PCDH15: variants seen among roughly 807,000 people sequenced by gnomAD.
The protein encoded by PCDH15 is protocadherin-15.
PCDH15 carries 129 observed loss-of-function variants against 178.5 expected under a neutral mutation model. That is an observed-to-expected ratio of 0.72 (90% CI 0.63 to 0.84). The LOEUF is 0.84. Ranked by LOEUF, PCDH15 falls within the 40% of genes least tolerant of loss-of-function variation. PCDH15 has a pLI of 0.00. For synonymous variants in PCDH15, 800 were observed against 732.0 expected, an observed-to-expected ratio of 1.09 and a Z score of -1.50; for missense variants, 2,230 against 2,099.9, an observed-to-expected ratio of 1.06 and a Z score of -1.21.
intron 10 of PCDH15, among the ~76,000 whole-genome samples, chr10:54,203,249 C>T (rs1330688890): frequency 1.3e-5 from 2 of 152,138 alleles, no homozygotes; most frequent in South Asian, 4.2e-4. Context: ...CCAAAGATTG[C>T]TCGTGTGTCA....
At chr10:54,486,089 T>G (rs2079076393) in intron 3 of PCDH15, 1 of 151,998 alleles carries the variant, frequency 6.6e-6, no homozygotes, top group African/African-American at 2.4e-5. Context: ...GTAATTTGAA[T>G]CTAAGCAATA....
chr10:54,389,041 G>A (rs1162724459), intron 3 of PCDH15, among the ~76,000 whole-genome samples: 1 of 151,986 alleles, frequency 6.6e-6, no homozygotes, highest in African/African-American at 2.4e-5. Context: ...TCCCATTTAG[G>A]TCACTATGAG....
chr10:53,864,416 T>C (rs578158359), intron 27 of PCDH15, among the ~76,000 whole-genome samples: 3 of 152,018 alleles, frequency 2.0e-5, no homozygotes, highest in African/African-American at 7.2e-5. Context: ...CCTAAAACCT[T>C]CCCCCTTCCC....
intron 2 of PCDH15, among the ~76,000 whole-genome samples, chr10:55,003,364 C>T (rs769168143): frequency 4.6e-5 from 7 of 151,432 alleles, no homozygotes; most frequent in Non-Finnish European, 7.4e-5. Context: ...AAAAAGATTG[C>T]TAACCCAACA....
At chr10:53,820,102 C>A (rs1422215468) in intron 33 of PCDH15, 63 bp downstream of exon 33, 1 of 396,676 alleles carries the variant, frequency 2.5e-6, no homozygotes, top group African/African-American at 2.1e-5. Context: ...TTGCAAAAAG[C>A]TGGTGTAGAT....
In PCDH15 at chr10:54,745,611, T is replaced by G. The variant is rs560353809; in HGVS notation, c.-29+55314A>C. Among the ~76,000 whole-genome samples, 5 of 152,306 alleles carry G rather than the reference T, an allele frequency of 3.3e-5. No individual in the cohort carries two copies. The South Asian group carries it at 8.3e-4, about 25-fold the overall frequency. Reference sequence around the variant, plus strand: ...CTGGCTGGATTCCACATAATGCTGTTGGCTCATGGGATTTCCTTGGTCTAG... The same window carrying G: ...CTGGCTGGATTCCACATAATGCTGTGGGCTCATGGGATTTCCTTGGTCTAG... On this transcript the variant is annotated intron_variant, in intron 1 of 37. Coordinates refer to ENST00000644397, the MANE Select transcript of PCDH15 (RefSeq NM_001384140.1).
At chr10:55,460,757 T>C (rs1572233) in intron 2 of PCDH15, among the ~76,000 whole-genome samples, 116,372 of 152,028 alleles carry the variant, frequency 0.77, 45,905 homozygotes, top group East Asian at 0.99. Flanking sequence ...CCTCTTTGCA[T>C]GCCTATCTTG....
intron 2 of PCDH15, among the ~76,000 whole-genome samples, chr10:55,044,391 G>A (rs1922160): frequency 0.77 from 117,696 of 152,058 alleles, 45,743 homozygotes; most frequent in East Asian, 0.84. Flanking sequence ...AAAACCTAAC[G>A]CATATGATAA....
At chr10:55,231,121 C>T (rs1262340651) in intron 1 of PCDH15, among the ~76,000 whole-genome samples, 3 of 151,958 alleles carry the variant, frequency 2.0e-5, no homozygotes, top group African/African-American at 7.3e-5. Context: ...TATAGCTTTG[C>T]ATCTCTGAGA....
chr10:54,970,217 T>C (rs1222918794), intron 2 of PCDH15, among the ~76,000 whole-genome samples: 3 of 152,202 alleles, frequency 2.0e-5, no homozygotes, highest in Non-Finnish European at 2.9e-5. Context: ...GCCTCCAGAA[T>C]TGTGAAAAAT....
chr10:53,958,396 C>A (rs1319109860), intron 23 of PCDH15, among the ~76,000 whole-genome samples: 2 of 152,180 alleles, frequency 1.3e-5, no homozygotes, highest in African/African-American at 4.8e-5. Flanking sequence ...TTCCTTCAAT[C>A]TACAACTTAA....
intron 2 of PCDH15, among the ~76,000 whole-genome samples, chr10:55,333,634 G>T (rs1295845580): frequency 6.6e-6 from 1 of 151,944 alleles, no homozygotes; most frequent in East Asian, 1.9e-4. Flanking sequence ...TACAGAGGAT[G>T]TTATTTGATG....
rs2081976677 is a variant in PCDH15 at position 54,514,137 on chromosome 10, C to T, written c.157+13675G>A. Among the ~76,000 whole-genome samples the T allele has an allele frequency of 2.6e-5, 4 of 152,166 alleles. No individual in the cohort carries two copies. In the South Asian group the frequency reaches 8.3e-4, roughly 32 times the overall value. On this transcript the variant is annotated intron_variant, in intron 3 of 37. Transcript: ENST00000644397. ...AGATTTACAGAGGATATTTCTTTTA[C>T]ATATTGTTAAAATGTTAGTGCTATC...
In PCDH15 at chr10:54,518,653, T is replaced by A. The variant is rs183889846; in HGVS notation, c.157+9159A>T. On this transcript the variant is annotated intron_variant, in intron 3 of 37. Transcript: ENST00000644397. ...AGGTACAAGGAGGAGCTGGTACCAT[T>A]CCTTCTGAAATTATTCCAATCAATA... 5.1e-3 allele frequency among the ~76,000 whole-genome samples: 773 copies of A among 152,270 alleles called. 8 individuals are homozygous for A. Among genetic ancestry groups the A allele is most frequent in the African/African-American group, 0.018 (751 of 41,530 alleles).
At chr10:54,068,372 TTTAAAG>T (rs1193245456) in intron 17 of PCDH15, among the ~76,000 whole-genome samples, 23 of 152,152 alleles carry the variant, frequency 1.5e-4, no homozygotes, top group Non-Finnish European at 5.9e-5. Flanking sequence ...CATTTTTGTA[TTTAAAG>T]TTAAATAAAA....
intron 5 of PCDH15, among the ~76,000 whole-genome samples, chr10:54,356,199 T>G (rs1004678266): frequency 6.6e-6 from 1 of 152,084 alleles, no homozygotes; most frequent in Admixed American, 6.6e-5. Context: ...TTGTGTTACA[T>G]GCTATGATAA....
intron 2 of PCDH15, among the ~76,000 whole-genome samples, chr10:55,392,496 A>G (rs1837820121): frequency 6.6e-6 from 1 of 152,158 alleles, no homozygotes; most frequent in African/African-American, 2.4e-5. Context: ...CCAATCCAGG[A>G]TTCCACAGTA....
At chr10:54,320,129 A>G (rs568567355) in intron 7 of PCDH15, among the ~76,000 whole-genome samples, 11 of 152,142 alleles carry the variant, frequency 7.2e-5, no homozygotes, top group Admixed American at 3.3e-4. Flanking sequence ...GAGATTCAAC[A>G]AACAGAAAGA....
chr10:55,612,854 C>A (rs113216297), intron 2 of PCDH15, among the ~76,000 whole-genome samples: 9 of 151,964 alleles, frequency 5.9e-5, no homozygotes, highest in African/African-American at 2.2e-4. Flanking sequence ...TGCATGGTTC[C>A]CACATCATTT....
Sources: gnomAD v4.1 joint callset for allele counts (sites outside exome capture counted in the v4.1 genomes callset) on GRCh38, gnomAD v4.1.1 for gene constraint, MANE v1.5 for transcripts, NCBI Gene and HGNC (gene_info 2026-07-23, HGNC 2026-07-21) for gene names.